Variants in PPFIA2 observed in about 807,000 individuals in gnomAD.
PPFIA2 encodes liprin-alpha-2.
PPFIA2 carries 46 observed loss-of-function variants against 175.5 expected under a neutral mutation model. The observed-to-expected ratio is 0.26, with a 90% CI of 0.21 to 0.34. The LOEUF (loss-of-function observed/expected upper bound fraction) is 0.34, where lower values mean the gene tolerates loss of function less well. Among genes scored for constraint, PPFIA2 ranks in the 10% least tolerant of loss-of-function variants. The pLI, the probability that PPFIA2 is intolerant of heterozygous loss-of-function variation, is 1.00. For synonymous variants in PPFIA2, 568 were observed against 511.4 expected (o/e 1.11, Z -1.49); for missense variants, 1,179 against 1,506.1 (o/e 0.78, Z 3.60).
At chr12:81,468,884 G>GT (rs5799529) in intron 4 of PPFIA2, among the ~76,000 whole-genome samples, 98 of 148,046 alleles carry the variant, frequency 6.6e-4, no homozygotes, top group African/African-American at 2.2e-3. Flanking sequence ...CAGCTAAGAA[G>GT]TTTATCACTG....
intron 4 of PPFIA2, among the ~76,000 whole-genome samples, chr12:81,560,746 A>T (rs2153390857): frequency 6.6e-6 from 1 of 152,282 alleles, no homozygotes; most frequent in South Asian, 2.1e-4. Context: ...TCGTATTTGG[A>T]ATCGCAGAGA....
At chr12:81,587,082 C>G (rs57008726) in intron 4 of PPFIA2, among the ~76,000 whole-genome samples, 1 of 152,032 alleles carries the variant, frequency 6.6e-6, no homozygotes, top group South Asian at 2.1e-4. Context: ...TATAGTCACA[C>G]TCTAGCAAAC....
intron 4 of PPFIA2, among the ~76,000 whole-genome samples, chr12:81,610,284 C>G (rs2060759322): frequency 6.6e-6 from 1 of 152,136 alleles, no homozygotes; most frequent in Non-Finnish European, 1.5e-5. Flanking sequence ...TTCATGTCAA[C>G]CTCTCTAGTG....
chr12:81,646,469 G>C (rs1254019943), intron 4 of PPFIA2, among the ~76,000 whole-genome samples: 1 of 152,106 alleles, frequency 6.6e-6, no homozygotes, highest in Admixed American at 6.5e-5. Context: ...CATGAGACTG[G>C]CAGTAAGTAG....
At chr12:81,464,260 G>T (rs1473040702) in intron 4 of PPFIA2, among the ~76,000 whole-genome samples, 1 of 152,080 alleles carries the variant, frequency 6.6e-6, no homozygotes, top group Non-Finnish European at 1.5e-5. Flanking sequence ...CTAAGTATAT[G>T]CTGGGTACAT....
At chr12:81,361,724 T>A (rs1200869519) in intron 15 of PPFIA2, among the ~76,000 whole-genome samples, 1 of 151,556 alleles carries the variant, frequency 6.6e-6, no homozygotes, top group African/African-American at 2.4e-5. Flanking sequence ...GTGTTGAGAT[T>A]ATGGTAGTTA....
rs140405266 is a variant in PPFIA2 at position 81,406,224 on chromosome 12, T to G, written c.646-321A>C. 3.8e-3 allele frequency among the ~76,000 whole-genome samples: 576 copies of G among 152,290 alleles called. 3 individuals carry two copies. The highest frequency in any genetic ancestry group is 0.013 in the African/African-American group (535 of 41,584). Reference sequence around the variant, plus strand: ...TATTCACGTGATGTTAATTCAGAAATTATTTTTTAAATTAATTTGTAGGAT... The same window carrying G: ...TATTCACGTGATGTTAATTCAGAAAGTATTTTTTAAATTAATTTGTAGGAT... On this transcript the variant is annotated intron_variant, in intron 7 of 32. Coordinates refer to ENST00000549396, the MANE Select transcript of PPFIA2 (RefSeq NM_003625.5).
rs1363048489 is a variant in PPFIA2, at chr12:81,746,637, T to G, written c.249+7336A>C. Among the ~76,000 whole-genome samples, 3 of 144,266 alleles carry G rather than the reference T, an allele frequency of 2.1e-5. 1 individual carries two copies. The highest frequency in any genetic ancestry group is 4.7e-5 in the Non-Finnish European group (3 of 64,322). The allele number at this position is 144,266 out of a possible 152,430, so 94.6% of individuals were successfully genotyped here. ...ATCATTTTAATTTTAAGAAATATAT[T>G]TGAACATCTTGCAAAATAGCCAGCT... is the stretch of plus-strand genomic sequence containing the variant. On this transcript the variant is annotated intron_variant, in intron 3 of 32. Coordinates refer to ENST00000549396, the MANE Select transcript of PPFIA2 (RefSeq NM_003625.5).
intron 4 of PPFIA2, among the ~76,000 whole-genome samples, chr12:81,616,966 T>C (rs914531078): frequency 6.6e-6 from 1 of 152,152 alleles, no homozygotes; most frequent in Non-Finnish European, 1.5e-5. Context: ...TATAACAGTT[T>C]AAAGCATGGG....
chr12:81,644,110 C>G (rs2065727812), intron 4 of PPFIA2, among the ~76,000 whole-genome samples: 1 of 151,958 alleles, frequency 6.6e-6, no homozygotes, highest in Admixed American at 6.6e-5. Context: ...TAATACACCA[C>G]AGAAAGATTC....
At chr12:81,361,176 A>G (rs2030056597) in intron 15 of PPFIA2, among the ~76,000 whole-genome samples, 1 of 151,690 alleles carries the variant, frequency 6.6e-6, no homozygotes, top group South Asian at 2.1e-4. Flanking sequence ...ATAGACTTTT[A>G]GACAACACTT....
chr12:81,519,324 T>C (rs192442021), intron 4 of PPFIA2, among the ~76,000 whole-genome samples: 1 of 152,334 alleles, frequency 6.6e-6, no homozygotes, highest in Admixed American at 6.5e-5. Context: ...ATTAAAAGAC[T>C]TGAAAATACT....
intron 28 of PPFIA2, among the ~76,000 whole-genome samples, chr12:81,269,426 CAACTTT>C (rs2038404604): frequency 6.6e-6 from 1 of 152,206 alleles, no homozygotes; most frequent in South Asian, 2.1e-4. Flanking sequence ...AAATATTCTT[CAACTTT>C]AACTGTTTTA....
intron 8 of PPFIA2, among the ~76,000 whole-genome samples, chr12:81,392,715 C>T (rs1215380219): frequency 6.6e-6 from 1 of 151,978 alleles, no homozygotes; most frequent in Non-Finnish European, 1.5e-5. Flanking sequence ...AATTTTCACA[C>T]TTGGCTGTCA....
intron 24 of PPFIA2, among the ~76,000 whole-genome samples, chr12:81,288,486 A>G (rs2044043702): frequency 6.6e-6 from 1 of 151,872 alleles, no homozygotes; most frequent in Non-Finnish European, 1.5e-5. Flanking sequence ...TAATGAAATC[A>G]TTCTGGAAAG....
chr12:81,360,368 G>A (rs915455443), intron 15 of PPFIA2, among the ~76,000 whole-genome samples: 2 of 151,778 alleles, frequency 1.3e-5, no homozygotes, highest in Non-Finnish European at 2.9e-5. Context: ...TGTGACTCTT[G>A]CATGTAATCT....
chr12:81,496,936 A>T (rs1191738591), intron 4 of PPFIA2, among the ~76,000 whole-genome samples: 1 of 152,206 alleles, frequency 6.6e-6, no homozygotes, highest in African/African-American at 2.4e-5. Context: ...GCCCCAGAGC[A>T]AATAAAGCAG....
In PPFIA2 at chr12:81,402,459, CTATAA is replaced by C. The variant is rs540162779; in HGVS notation, c.762+3323_762+3327del. ...GGATGATTTTGATAAGAAAAATGCT[CTATAA>C]TATTATATGTGTGTAACTTGGGAGT... On this transcript the variant is annotated intron_variant, in intron 8 of 32. Transcript: ENST00000549396. Among the ~76,000 whole-genome samples the C allele has an allele frequency of 5.3e-5, 8 of 152,066 alleles. No homozygotes were observed. The South Asian group carries it at 1.7e-3, about 32-fold the overall frequency.
chr12:81,754,144 G>T lies in PPFIA2; in HGVS notation c.78C>A (p.Asp26Glu). Reference protein sequence around the residue: ...SQRGSQSSGSDSDSHFEQLMV... With the variant: ...SQRGSQSSGSESDSHFEQLMV... ...TCAGCTGCTCAAAATGGGAGTCTGAGTCCGAGCCACTGCTTTGGGACCCCC... is the reference window on the plus strand; with the variant it reads ...TCAGCTGCTCAAAATGGGAGTCTGATTCCGAGCCACTGCTTTGGGACCCCC... Residue 26 changes from aspartate (D) to glutamate (E), a missense_variant, in exon 3 of 33, where the codon GAC becomes GAA. Coordinates refer to ENST00000549396, the MANE Select transcript of PPFIA2 (RefSeq NM_003625.5). The T allele has an allele frequency of 1.2e-6, 2 of 1,613,302 alleles. No homozygotes were observed. The highest frequency in any genetic ancestry group is 1.7e-6 in the Non-Finnish European group (2 of 1,179,612).
Sources: allele counts gnomAD v4.1 joint callset (sites outside exome capture counted in the v4.1 genomes callset), GRCh38; gene constraint gnomAD v4.1.1; transcripts MANE v1.5; gene names NCBI Gene and HGNC (gene_info 2026-07-23, HGNC 2026-07-21).